RABGAP1L: variants seen among roughly 807,000 people sequenced by gnomAD.
RABGAP1L encodes RAB GTPase activating protein 1 like.
Under a neutral mutation model 137.7 loss-of-function variants are expected in RABGAP1L, and 63 were observed. That is an observed-to-expected ratio of 0.46 (90% confidence interval 0.37 to 0.56). The LOEUF (loss-of-function observed/expected upper bound fraction) is 0.56, where lower values mean the gene tolerates loss of function less well. Ranked by LOEUF, RABGAP1L falls within the 20% of genes least tolerant of loss-of-function variation. The pLI is 0.00. For synonymous variants in RABGAP1L, 431 were observed against 433.7 expected, an observed-to-expected ratio of 0.99 and a Z score of 0.08; for missense variants, 1,095 against 1,244.0, an observed-to-expected ratio of 0.88 and a Z score of 1.80.
At chr1:174,662,705 T>C (rs1395631717) in intron 14 of RABGAP1L, among the ~76,000 whole-genome samples, 2 of 152,192 alleles carry the variant, frequency 1.3e-5, no homozygotes, top group Admixed American at 1.3e-4. Flanking sequence ...AGAAGGCATT[T>C]TTACCACTGG....
chr1:174,604,691 C>T (rs985222718), intron 13 of RABGAP1L, among the ~76,000 whole-genome samples: 2 of 152,188 alleles, frequency 1.3e-5, no homozygotes, highest in Non-Finnish European at 2.9e-5. Context: ...CCCTAAAAAA[C>T]TGAGGATTCT....
intron 19 of RABGAP1L, among the ~76,000 whole-genome samples, chr1:174,946,917 A>ATATATATATATATATAT (rs1252382067): frequency 1.7e-5 from 1 of 59,810 alleles, no homozygotes; most frequent in Non-Finnish European, 2.7e-5. Context: ...AAAAAAAAAA[A>ATATATATATATATATAT]ATATATATAT....
intron 15 of RABGAP1L, among the ~76,000 whole-genome samples, chr1:174,693,717 A>G (rs865841505): frequency 3.0e-4 from 46 of 152,328 alleles, no homozygotes; most frequent in African/African-American, 1.0e-3. Context: ...TACAATAGAT[A>G]CAGTAGTGAA....
At chr1:174,324,820 C>G (rs1221653522) in intron 11 of RABGAP1L, among the ~76,000 whole-genome samples, 1 of 152,058 alleles carries the variant, frequency 6.6e-6, no homozygotes, top group Non-Finnish European at 1.5e-5. Context: ...GTCAAATAAA[C>G]AAGGAGGTTT....
chr1:174,861,882 T>C (rs1650323054), intron 19 of RABGAP1L, among the ~76,000 whole-genome samples: 1 of 152,178 alleles, frequency 6.6e-6, no homozygotes, highest in Non-Finnish European at 1.5e-5. Flanking sequence ...TTTGGAAATA[T>C]TTTCTTCCAT....
chr1:174,401,482 C>T (rs547613835), intron 13 of RABGAP1L, among the ~76,000 whole-genome samples: 7 of 152,158 alleles, frequency 4.6e-5, no homozygotes, highest in East Asian at 3.9e-4. Flanking sequence ...AGTAAGCTTT[C>T]GGAATTAACA....
At chr1:174,479,863 T>C (rs955305136) in intron 13 of RABGAP1L, among the ~76,000 whole-genome samples, 9 of 152,200 alleles carry the variant, frequency 5.9e-5, no homozygotes, top group Admixed American at 3.3e-4. Context: ...TTGATTCTAC[T>C]CTTGGATTCT....
At chr1:174,623,924 A>G (rs965233002) in intron 13 of RABGAP1L, among the ~76,000 whole-genome samples, 8 of 152,186 alleles carry the variant, frequency 5.3e-5, no homozygotes, top group Admixed American at 1.3e-4. Flanking sequence ...ACTACACTCT[A>G]TGTCATTCAG....
At chr1:174,900,219 C>T (rs972869575) in intron 19 of RABGAP1L, among the ~76,000 whole-genome samples, 1 of 152,144 alleles carries the variant, frequency 6.6e-6, no homozygotes, top group East Asian at 1.9e-4. Context: ...GCACACACAA[C>T]GTGAGGAAAC....
At chr1:174,254,572 G>A (rs1052471824) in intron 7 of RABGAP1L, among the ~76,000 whole-genome samples, 3 of 152,158 alleles carry the variant, frequency 2.0e-5, no homozygotes, top group Non-Finnish European at 4.4e-5. Flanking sequence ...CCACTTATGA[G>A]TGAGAACATG....
At chr1:174,800,293 G>A in intron 18 of RABGAP1L, 1 of 1,535,114 alleles carries the variant, frequency 6.5e-7, no homozygotes, top group Non-Finnish European at 8.8e-7. Context: ...TTGTGGATAA[G>A]AGATCCATCT....
chr1:174,837,101 G>T (rs1692831981), intron 19 of RABGAP1L, among the ~76,000 whole-genome samples: 2 of 152,108 alleles, frequency 1.3e-5, no homozygotes, highest in South Asian at 2.1e-4. Flanking sequence ...CAGTTACTTG[G>T]GGGGCTGAGG....
Position 174,985,888 on chromosome 1 carries a change from G to A in RABGAP1L, c.2806-2753G>A, listed in dbSNP as rs553317329. Among the ~76,000 whole-genome samples the A allele has an allele frequency of 5.3e-5, 8 of 152,188 alleles. 1 individual carries two copies. The highest frequency in any genetic ancestry group is 2.1e-4 in the South Asian group (1 of 4,828). On this transcript the variant is annotated intron_variant, in intron 24 of 25. Coordinates refer to ENST00000681986, the MANE Select transcript of RABGAP1L (RefSeq NM_001366446.1). ...TAATCAGTCATTAGTGACCTACATCGTCATGTGGACTTCTATCCTCAAGGT... is the reference window on the plus strand; with the variant it reads ...TAATCAGTCATTAGTGACCTACATCATCATGTGGACTTCTATCCTCAAGGT...
At position 174,508,041 on chromosome 1, in the gene RABGAP1L, A is replaced by G. The variant is rs114915089; in HGVS notation, c.1710+113896A>G. On this transcript the variant is annotated intron_variant, in intron 13 of 25. Transcript: ENST00000681986. ...CAAAAGAGTCTTAAATTTGTAAGTG[A>G]ATAAAAAATTATATGAGTATTATGA... Among the ~76,000 whole-genome samples, 828 of 152,266 alleles carry G rather than the reference A, an allele frequency of 5.4e-3. 2 individuals are homozygous for G. Among genetic ancestry groups the G allele is most frequent in the Middle Eastern group, 0.01 (3 of 294 alleles).
intron 11 of RABGAP1L, among the ~76,000 whole-genome samples, chr1:174,359,169 C>T (rs1683922938): frequency 6.6e-6 from 1 of 150,966 alleles, no homozygotes; most frequent in South Asian, 2.1e-4. Flanking sequence ...ATTGTTCCTT[C>T]TGTTATCTTC....
intron 10 of RABGAP1L, among the ~76,000 whole-genome samples, chr1:174,280,060 A>AGAGT (rs1290077711): frequency 4.1e-5 from 6 of 145,494 alleles, no homozygotes; most frequent in Non-Finnish European, 7.5e-5. Flanking sequence ...AGAGAGAGAG[A>AGAGT]GAGAGAGAGA....
chr1:174,402,327 G>A (rs1401978948), intron 13 of RABGAP1L, among the ~76,000 whole-genome samples: 1 of 152,060 alleles, frequency 6.6e-6, no homozygotes, highest in Non-Finnish European at 1.5e-5. Context: ...ATATTTTTCT[G>A]ATCATCAGTT....
rs573299492 is a variant in RABGAP1L at position 174,962,481 on chromosome 1, A to C, written c.2433+4932A>C. Among the ~76,000 whole-genome samples the C allele has an allele frequency of 2.0e-5, 3 of 152,306 alleles. No individual in the cohort carries two copies. In the South Asian group the frequency reaches 6.2e-4, roughly 32 times the overall value. ...TTTAAACAAAGAAAATGATTCCTCT[A>C]TGTTTCCACAGAGTTTTTTCTTGCA... On this transcript the variant is annotated intron_variant, in intron 20 of 25. Transcript: ENST00000681986.
At chr1:174,927,285 T>C (rs1274437331) in intron 19 of RABGAP1L, among the ~76,000 whole-genome samples, 2 of 152,226 alleles carry the variant, frequency 1.3e-5, no homozygotes, top group Non-Finnish European at 2.9e-5. Flanking sequence ...GCAATTACTT[T>C]TGCACCAACC....
Sources: gnomAD v4.1 joint callset for allele counts (sites outside exome capture counted in the v4.1 genomes callset) on GRCh38, gnomAD v4.1.1 for gene constraint, MANE v1.5 for transcripts, NCBI Gene and HGNC (gene_info 2026-07-23, HGNC 2026-07-21) for gene names.